Variants in CTNND2 observed in about 807,000 individuals in gnomAD.
The protein encoded by CTNND2 is catenin delta-2.
Under a neutral mutation model 144.4 loss-of-function variants are expected in CTNND2, and 22 were observed. That is an observed-to-expected ratio of 0.15 (90% confidence interval 0.11 to 0.22). The LOEUF (loss-of-function observed/expected upper bound fraction) is 0.22, where lower values mean the gene tolerates loss of function less well. Among genes scored for constraint, CTNND2 ranks in the 10% least tolerant of loss-of-function variants. The pLI, the probability that CTNND2 is intolerant of heterozygous loss-of-function variation, is 1.00. For missense variants in CTNND2, 1,353 were observed against 1,618.8 expected (o/e 0.84, Z 2.82); for synonymous variants, 751 against 695.6 (o/e 1.08, Z -1.25).
At chr5:11,536,092 C>T (rs1269508760) in intron 3 of CTNND2, among the ~76,000 whole-genome samples, 3 of 152,110 alleles carry the variant, frequency 2.0e-5, no homozygotes, top group African/African-American at 7.2e-5. Context: ...GTGACAAATT[C>T]TCACTCTGTC....
chr5:11,295,546 C>T (rs1315519518), intron 9 of CTNND2, among the ~76,000 whole-genome samples: 1 of 152,184 alleles, frequency 6.6e-6, no homozygotes, highest in Non-Finnish European at 1.5e-5. Context: ...GCTAAAAGAA[C>T]AAAGCTGGAG....
chr5:11,739,004 C>T (rs1787848409), intron 1 of CTNND2, among the ~76,000 whole-genome samples: 1 of 152,110 alleles, frequency 6.6e-6, no homozygotes, highest in African/African-American at 2.4e-5. Context: ...GTTAGACTTG[C>T]ACTATAGCAG....
chr5:11,822,084 A>C (rs572995239), intron 1 of CTNND2, among the ~76,000 whole-genome samples: 1 of 152,292 alleles, frequency 6.6e-6, no homozygotes, highest in South Asian at 2.1e-4. Context: ...GTTTATTTTT[A>C]TTATATTAGG....
chr5:11,794,240 A>G (rs1035580321), intron 1 of CTNND2, among the ~76,000 whole-genome samples: 3 of 152,212 alleles, frequency 2.0e-5, no homozygotes, highest in Admixed American at 6.5e-5. Flanking sequence ...GGCATCCTCA[A>G]AGTTACTAAG....
intron 1 of CTNND2, among the ~76,000 whole-genome samples, chr5:11,772,236 T>C (rs752982412): frequency 3.0e-4 from 46 of 152,218 alleles, no homozygotes; most frequent in Non-Finnish European, 5.7e-4. Flanking sequence ...TTTCCTATGA[T>C]TATATAAATA....
At chr5:11,872,661 T>A (rs1250970062) in intron 1 of CTNND2, among the ~76,000 whole-genome samples, 1 of 139,286 alleles carries the variant, frequency 7.2e-6, no homozygotes. Context: ...TTCATGTTTG[T>A]TGGCTGCATA....
intron 2 of CTNND2, among the ~76,000 whole-genome samples, chr5:11,576,258 T>C (rs1777963734): frequency 6.6e-6 from 1 of 152,062 alleles, no homozygotes; most frequent in Admixed American, 6.6e-5. Context: ...CAGCCAAAAT[T>C]TTTCATGAAA....
chr5:11,354,490 A>C, intron 8 of CTNND2, among the ~76,000 whole-genome samples: 1 of 152,198 alleles, frequency 6.6e-6, no homozygotes, highest in East Asian at 1.9e-4. Flanking sequence ...ATTTTGTAAA[A>C]ATAAGCATTT....
chr5:11,117,658 A>C (rs1580334067), intron 12 of CTNND2, 91 bp from the exon 13 acceptor site: 4 of 1,010,804 alleles, frequency 4.0e-6, no homozygotes, highest in Non-Finnish European at 4.6e-6. Context: ...TTTGAAAGTA[A>C]ATGCATTTTT....
At chr5:11,684,167 T>C (rs961091573) in intron 2 of CTNND2, among the ~76,000 whole-genome samples, 1 of 152,022 alleles carries the variant, frequency 6.6e-6, no homozygotes, top group African/African-American at 2.4e-5. Flanking sequence ...AGTGGCACAA[T>C]CTCGGCTCAC....
chr5:11,220,599 C>T (rs1739687105), intron 10 of CTNND2, among the ~76,000 whole-genome samples: 1 of 152,170 alleles, frequency 6.6e-6, no homozygotes, highest in South Asian at 2.1e-4. Flanking sequence ...AACGATAATC[C>T]CCACTTCCAT....
At chr5:11,734,209 T>C (rs553338192) in intron 1 of CTNND2, among the ~76,000 whole-genome samples, 139 of 152,336 alleles carry the variant, frequency 9.1e-4, no homozygotes, top group African/African-American at 3.3e-3. Context: ...TTGGTTACTC[T>C]GGTCCCCAAG....
At chr5:11,144,875 CCT>C (rs773685739) in intron 12 of CTNND2, among the ~76,000 whole-genome samples, 19 of 152,206 alleles carry the variant, frequency 1.2e-4, no homozygotes, top group Non-Finnish European at 2.2e-4. Context: ...GTGCTCAGCC[CCT>C]GAGTCTCCCC....
At position 11,081,665 on chromosome 5, in the gene CTNND2, T is replaced by C. The variant is rs61757070; in HGVS notation, c.2788+1031A>G. On this transcript the variant is annotated intron_variant, in intron 16 of 21. Transcript: ENST00000304623. ...TCACTTTGTGTCCCATGAATGTCTA[T>C]GATTATAACTTACTAGTTTACCATT... 3.8e-4 allele frequency among the ~76,000 whole-genome samples: 58 copies of C among 152,364 alleles called. No homozygotes were observed. In the East Asian group the frequency reaches 6.8e-3, roughly 18 times the overall value.
At chr5:11,125,963 C>T (rs1041541342) in intron 12 of CTNND2, among the ~76,000 whole-genome samples, 1 of 152,166 alleles carries the variant, frequency 6.6e-6, no homozygotes, top group Non-Finnish European at 1.5e-5. Context: ...TGTCTCTGTT[C>T]ATGATGGTAG....
chr5:11,896,750 A>G (rs1737425364), intron 1 of CTNND2, among the ~76,000 whole-genome samples: 1 of 152,136 alleles, frequency 6.6e-6, no homozygotes, highest in Non-Finnish European at 1.5e-5. Context: ...GGGAGTGGGT[A>G]TGTGTGCTGG....
intron 3 of CTNND2, among the ~76,000 whole-genome samples, chr5:11,506,655 C>T (rs191933703): frequency 7.9e-5 from 12 of 152,306 alleles, no homozygotes; most frequent in Admixed American, 5.9e-4. Flanking sequence ...TAACACCATG[C>T]TGTTTACCTT....
chr5:11,496,476 T>C (rs935177591), intron 3 of CTNND2, among the ~76,000 whole-genome samples: 1 of 152,100 alleles, frequency 6.6e-6, no homozygotes, highest in Non-Finnish European at 1.5e-5. Context: ...ACGCAGAAAA[T>C]AGGGGTGTCC....
chr5:11,877,777 A>G (rs1288583175), intron 1 of CTNND2, among the ~76,000 whole-genome samples: 1 of 152,150 alleles, frequency 6.6e-6, no homozygotes, highest in Non-Finnish European at 1.5e-5. Context: ...TCTCTTTAAG[A>G]CAAAATATAA....
Sources: gnomAD v4.1 joint callset for allele counts (sites outside exome capture counted in the v4.1 genomes callset) on GRCh38, gnomAD v4.1.1 for gene constraint, MANE v1.5 for transcripts, NCBI Gene and HGNC (gene_info 2026-07-23, HGNC 2026-07-21) for gene names.